The following HIPK1 variants were observed in gnomAD, a reference collection of about 807,000 sequenced individuals.
HIPK1 encodes the protein homeodomain-interacting protein kinase 1.
Under a neutral mutation model 117.1 loss-of-function variants are expected in HIPK1, and 28 were observed. The observed-to-expected ratio is 0.24, with a 90% CI of 0.18 to 0.33. HIPK1 has a LOEUF of 0.33. Ranked by LOEUF, HIPK1 falls within the 10% of genes least tolerant of loss-of-function variation. The pLI, the probability that HIPK1 is intolerant of heterozygous loss-of-function variation, is 1.00. For synonymous variants in HIPK1, 605 were observed against 562.5 expected (o/e 1.08, Z -1.07); for missense variants, 1,122 against 1,475.1 (o/e 0.76, Z 3.92).
intron 1 of HIPK1, among the ~76,000 whole-genome samples, chr1:113,936,699 A>G (rs1571648020): frequency 6.6e-6 from 1 of 152,224 alleles, no homozygotes; most frequent in African/African-American, 2.4e-5. Flanking sequence ...TCCTGACCTC[A>G]TGATCTGCCT....
intron 2 of HIPK1, among the ~76,000 whole-genome samples, chr1:113,945,131 G>A (rs929380248): frequency 1.3e-5 from 2 of 152,164 alleles, no homozygotes; most frequent in Non-Finnish European, 2.9e-5. Context: ...TTACAGACAT[G>A]AGCCACCATG....
chr1:113,962,952 T>G (rs577312582), intron 9 of HIPK1, among the ~76,000 whole-genome samples: 2 of 152,228 alleles, frequency 1.3e-5, no homozygotes, highest in African/African-American at 4.8e-5. Flanking sequence ...TAAAACTTTA[T>G]ACTTGCTATG....
intron 8 of HIPK1, among the ~76,000 whole-genome samples, chr1:113,959,511 C>T (rs559781756): frequency 1.4e-4 from 21 of 152,296 alleles, no homozygotes; most frequent in African/African-American, 5.1e-4. Context: ...AGCAGATTAG[C>T]CACTTTTTTC....
intron 11 of HIPK1, 51 bp downstream of exon 11, chr1:113,966,323 G>A (rs779392392): frequency 6.5e-7 from 1 of 1,544,732 alleles, no homozygotes; most frequent in East Asian, 2.3e-5. Flanking sequence ...ATCCCATAGG[G>A]TGGGAGCACT....
chr1:113,937,505 A>C (rs994320526), intron 1 of HIPK1, among the ~76,000 whole-genome samples: 1 of 152,128 alleles, frequency 6.6e-6, no homozygotes, highest in African/African-American at 2.4e-5. Flanking sequence ...AAAATACTAC[A>C]GTTGAATGTG....
intron 1 of HIPK1, among the ~76,000 whole-genome samples, chr1:113,939,830 G>A (rs1219173863): frequency 6.6e-6 from 1 of 151,904 alleles, no homozygotes; most frequent in African/African-American, 2.4e-5. Context: ...TATTGAGCTG[G>A]AAGTGTCTGT....
In HIPK1 at chr1:113,941,917, G is replaced by C. The variant is rs1481276703; in HGVS notation, c.1076+458G>C. On this transcript the variant is annotated intron_variant, in intron 2 of 15. Transcript: ENST00000426820. This position sits in a 1 kb window ranked among gnomAD's most constrained non-coding sequence, Gnocchi z 4.9. ...TGGGACCACAGGCACCCGCCATCAC[G>C]CCCGGCTAATTTTTTTTGTATTTTT... Among the ~76,000 whole-genome samples, 2 of 151,788 alleles carry C rather than the reference G, an allele frequency of 1.3e-5. No individual in the cohort carries two copies. The highest frequency in any genetic ancestry group is 2.9e-5 in the Non-Finnish European group (2 of 67,966).
intron 3 of HIPK1, 128 bp from the exon 4 acceptor site, chr1:113,954,523 A>G: frequency 1.1e-6 from 1 of 902,574 alleles, no homozygotes; most frequent in South Asian, 1.7e-5. Flanking sequence ...TTTACAGATA[A>G]ATTTCAGTTG....
chr1:113,948,523 G>A (rs1199164351), intron 2 of HIPK1, among the ~76,000 whole-genome samples: 2 of 151,578 alleles, frequency 1.3e-5, no homozygotes, highest in Non-Finnish European at 2.9e-5. Flanking sequence ...AAAGTGCTGG[G>A]ATTATAGGTG....
chr1:113,929,454 C>T lies in HIPK1; in HGVS notation c.-81C>T. ...CTGGCTCCCTACGGAGGCCCACCTA[C>T]TCGAGGCCCACCGACTCCTACTGCA... On this transcript the variant is annotated 5_prime_UTR_variant, in exon 1 of 16. Transcript: ENST00000426820. 1.6e-6 allele frequency: 2 copies of T among 1,289,408 alleles called. No homozygotes were observed. The highest frequency in any genetic ancestry group is 1.5e-5 in the African/African-American group (1 of 65,970). 79.9% of individuals were successfully genotyped at this position (1,289,408 alleles called of 1,614,324 possible). A position where few individuals can be genotyped will look rare whatever the true frequency, so the allele number is the denominator to read the frequency against.
rs71090749 is a variant in HIPK1 at position 113,939,327 on chromosome 1, G to GT, written c.-2-1040dup. Among the ~76,000 whole-genome samples the GT allele has an allele frequency of 8.5e-3, 1,244 of 145,776 alleles. 18 individuals carry two copies. The highest frequency in any genetic ancestry group is 0.039 in the Admixed American group (561 of 14,370). ...CCATGCCTGGCTAACTTTTTTTTCTGTTTTTTTTTTTTTTTGTTGTTGTTG... is the reference window on the plus strand; with the variant it reads ...CCATGCCTGGCTAACTTTTTTTTCTGTTTTTTTTTTTTTTTTGTTGTTGTTG... On this transcript the variant is annotated intron_variant, in intron 1 of 15. Transcript: ENST00000426820.
intron 8 of HIPK1, among the ~76,000 whole-genome samples, chr1:113,961,804 C>T (rs1672126669): frequency 1.3e-5 from 2 of 151,740 alleles, no homozygotes; most frequent in South Asian, 2.1e-4. Context: ...ATTAGACGGG[C>T]GTGGTGGCGC....
At chr1:113,968,789 G>A in intron 13 of HIPK1, 141 bp downstream of exon 13, 1 of 673,230 alleles carries the variant, frequency 1.5e-6, no homozygotes. Context: ...GGGAGGTTGA[G>A]GCCAGCAGAT....
intron 2 of HIPK1, among the ~76,000 whole-genome samples, chr1:113,949,283 C>T (rs181581390): frequency 1.3e-5 from 2 of 152,278 alleles, no homozygotes; most frequent in East Asian, 3.9e-4. Context: ...TTGGAATGTT[C>T]TAAACCCAGT....
Position 113,940,439 on chromosome 1 carries a change from G to T in HIPK1, c.56G>T (p.Cys19Phe). Residue 19 changes from cysteine (C) to phenylalanine (F), a missense_variant, in exon 2 of 16, where the codon TGC becomes TTC. Cys to Phe is a radical substitution (Grantham distance 205). Coordinates refer to ENST00000426820, the MANE Select transcript of HIPK1 (RefSeq NM_198268.3). Reference sequence around the variant, plus strand: ...CCATCAGTGTCGTCGAGTGCCTTCTGCAGTGCGAAGAAACTGAAAATAGAG... The same window carrying T: ...CCATCAGTGTCGTCGAGTGCCTTCTTCAGTGCGAAGAAACTGAAAATAGAG... ...SPPSVSSSAF[C>F]SAKKLKIEPS... The T allele has an allele frequency of 6.2e-7, 1 of 1,614,112 alleles. No homozygotes were observed. The highest frequency in any genetic ancestry group is 8.5e-7 in the Non-Finnish European group (1 of 1,180,000).
At chr1:113,933,773 A>C (rs904685911) in intron 1 of HIPK1, among the ~76,000 whole-genome samples, 1 of 152,086 alleles carries the variant, frequency 6.6e-6, no homozygotes, top group Non-Finnish European at 1.5e-5. Flanking sequence ...AGGCTGAGGT[A>C]GGAGGGTGGA....
At chr1:113,958,393 C>A in intron 8 of HIPK1, 102 bp downstream of exon 8, 1 of 779,534 alleles carries the variant, frequency 1.3e-6, no homozygotes, top group Non-Finnish European at 2.0e-6. Context: ...TAAACTCTGT[C>A]TCTGATGAAG....
rs1185698606 is a variant in HIPK1, at chr1:113,968,584, G to T, written c.2707G>T (p.Val903Leu). ...IIIPDTPSPP[V>L]SVITIRSDTD... ...CATTCCAGATACTCCCAGCCCTCCT[G>T]TGAGTGTCATCACTATCCGAAGTGA... Residue 903 changes from valine (V) to leucine (L), a missense_variant, in exon 13 of 16, where the codon GTG becomes TTG. By Grantham distance (32) the Val-to-Leu change is conservative. Around this residue, in one of 6 missense-constraint regions of HIPK1, gnomAD observed 731 missense variants for 860.4 expected, o/e 0.85. Coordinates refer to ENST00000426820, the MANE Select transcript of HIPK1 (RefSeq NM_198268.3). The T allele has an allele frequency of 6.2e-6, 10 of 1,614,140 alleles. No individual in the cohort carries two copies. In the South Asian group the frequency reaches 9.9e-5, roughly 16 times the overall value.
In HIPK1 at chr1:113,971,817, T is replaced by G. The variant is rs1441237267; in HGVS notation, c.3014-7T>G. On this transcript the variant is annotated splice_region_variant and splice_polypyrimidine_tract_variant and intron_variant, in intron 14 of 15. Transcript: ENST00000426820. ...ACTCATAACTATTAAGCCTGGTGCT[T>G]TTTTAGGTCTCCTGAGCAATAAGAC... 1.3e-6 allele frequency: 2 copies of G among 1,588,390 alleles called. No individual in the cohort carries two copies. Among genetic ancestry groups the G allele is most frequent in the Admixed American group, 3.9e-5 (2 of 51,680 alleles).
Sources: allele counts gnomAD v4.1 joint callset (sites outside exome capture counted in the v4.1 genomes callset), GRCh38; gene constraint gnomAD v4.1.1; regional missense constraint gnomAD v4.1.1; non-coding constraint Gnocchi (gnomAD v3.1); transcripts MANE v1.5; gene names NCBI Gene and HGNC (gene_info 2026-07-23, HGNC 2026-07-21).